Variants in ADGRL3 observed in about 807,000 individuals in gnomAD.
The protein encoded by ADGRL3 is calcium-independent alpha-latrotoxin receptor 3.
A neutral mutation model predicts 153.5 loss-of-function variants in ADGRL3; 62 were observed. That is an observed-to-expected ratio of 0.40 (90% CI 0.33 to 0.50). The LOEUF (loss-of-function observed/expected upper bound fraction) is 0.50, where lower values mean the gene tolerates loss of function less well. Among genes scored for constraint, ADGRL3 ranks in the 20% least tolerant of loss-of-function variants. The pLI is 0.47. For synonymous variants in ADGRL3, 710 were observed against 672.5 expected, an observed-to-expected ratio of 1.06 and a Z score of -0.86; for missense variants, 1,641 against 1,859.4, an observed-to-expected ratio of 0.88 and a Z score of 2.16.
At chr4:61,993,221 T>C (rs1368743561) in intron 19 of ADGRL3, among the ~76,000 whole-genome samples, 1 of 148,608 alleles carries the variant, frequency 6.7e-6, no homozygotes. Context: ...TCTGGGAAAA[T>C]GTCCATGTTT....
At chr4:61,628,556 T>A (rs2092970305) in intron 5 of ADGRL3, among the ~76,000 whole-genome samples, 1 of 152,218 alleles carries the variant, frequency 6.6e-6, no homozygotes, top group African/African-American at 2.4e-5. Flanking sequence ...TTTAATTTAA[T>A]TATAAATGAA....
intron 9 of ADGRL3, among the ~76,000 whole-genome samples, chr4:61,887,642 C>T (rs191307051): frequency 1.2e-4 from 18 of 152,168 alleles, no homozygotes; most frequent in Admixed American, 9.8e-4. Context: ...GTCAAGAGAT[C>T]GAGACCATCC....
intron 1 of ADGRL3, among the ~76,000 whole-genome samples, chr4:61,225,783 C>G (rs1747677896): frequency 6.6e-6 from 1 of 152,122 alleles, no homozygotes; most frequent in Non-Finnish European, 1.5e-5. Context: ...CTCTGGGACC[C>G]CCAGTGAACA....
chr4:61,527,997 A>G (rs759464358), intron 4 of ADGRL3, among the ~76,000 whole-genome samples: 87 of 152,066 alleles, frequency 5.7e-4, no homozygotes, highest in Admixed American at 5.0e-3. Flanking sequence ...ACCTCCAGTC[A>G]TCTTTTAGTT....
chr4:61,719,316 G>A (rs1214658605), intron 6 of ADGRL3, among the ~76,000 whole-genome samples: 1 of 152,026 alleles, frequency 6.6e-6, no homozygotes, highest in Non-Finnish European at 1.5e-5. Flanking sequence ...TGGAAAATAA[G>A]TAGAAACCAT....
At position 62,073,318 on chromosome 4, in the gene ADGRL3, A is replaced by G. The variant is rs2151944197; in HGVS notation, c.*2410A>G. ...AGTGAATTGGCATGAATATTTTTTA[A>G]GTCTACAGATTTTATGTTAGAGGAG... On this transcript the variant is annotated 3_prime_UTR_variant, in exon 27 of 27. Coordinates refer to ENST00000683033, the MANE Select transcript of ADGRL3 (RefSeq NM_001387552.1). 6.6e-6 allele frequency: 1 copy of G among 152,282 alleles called. No homozygotes were observed. The highest frequency in any genetic ancestry group is 3.4e-3 in the Middle Eastern group (1 of 294). The allele number at this position is 152,282 out of a possible 1,614,324, so 9.4% of individuals were successfully genotyped here.
At chr4:61,360,591 A>G (rs987653234) in intron 1 of ADGRL3, among the ~76,000 whole-genome samples, 2 of 152,188 alleles carry the variant, frequency 1.3e-5, no homozygotes, top group Non-Finnish European at 2.9e-5. Flanking sequence ...TAAAAATAAA[A>G]TAAAACTTCT....
intron 3 of ADGRL3, among the ~76,000 whole-genome samples, chr4:61,498,514 C>T (rs1231573652): frequency 6.6e-6 from 1 of 151,862 alleles, no homozygotes; most frequent in African/African-American, 2.4e-5. Flanking sequence ...CGTGCCACTG[C>T]ATTCCAGCCT....
intron 8 of ADGRL3, among the ~76,000 whole-genome samples, chr4:61,767,172 C>G (rs954350335): frequency 9.6e-4 from 146 of 151,470 alleles, no homozygotes; most frequent in East Asian, 3.1e-3. Context: ...AGAGGAGGAC[C>G]CAAAGGAGGC....
intron 9 of ADGRL3, among the ~76,000 whole-genome samples, chr4:61,873,214 C>T (rs2149406395): frequency 6.6e-6 from 1 of 152,264 alleles, no homozygotes; most frequent in East Asian, 1.9e-4. Context: ...AGCAACTGGA[C>T]ACTGGAGGCA....
intron 5 of ADGRL3, among the ~76,000 whole-genome samples, chr4:61,600,040 T>C (rs1244152341): frequency 1.3e-5 from 2 of 152,144 alleles, no homozygotes; most frequent in African/African-American, 4.8e-5. Flanking sequence ...CGAGGCGTGG[T>C]GGCTCACGCC....
At chr4:61,253,412 A>C (rs527628208) in intron 1 of ADGRL3, among the ~76,000 whole-genome samples, 10 of 152,306 alleles carry the variant, frequency 6.6e-5, no homozygotes, top group Admixed American at 6.5e-4. Context: ...TTGTTGACTC[A>C]GTGTGCTTAT....
chr4:61,286,108 T>A (rs2093930859), intron 1 of ADGRL3, among the ~76,000 whole-genome samples: 2 of 151,594 alleles, frequency 1.3e-5, no homozygotes, highest in South Asian at 4.1e-4. Flanking sequence ...AATATTTTGA[T>A]TTATTCTGCT....
chr4:61,287,235 T>C (rs2093972979), intron 1 of ADGRL3, among the ~76,000 whole-genome samples: 2 of 151,954 alleles, frequency 1.3e-5, no homozygotes, highest in Admixed American at 1.3e-4. Context: ...ACTTCTTGAA[T>C]ACTTTAGGAT....
intron 18 of ADGRL3, among the ~76,000 whole-genome samples, 195 bp from the exon 19 acceptor site, chr4:61,983,188 T>G (rs2150869137): frequency 6.6e-6 from 1 of 152,322 alleles, no homozygotes; most frequent in South Asian, 2.1e-4. Context: ...TTATTAATGT[T>G]AAAGGCAGTT....
intron 5 of ADGRL3, among the ~76,000 whole-genome samples, chr4:61,651,801 A>G (rs998152213): frequency 2.8e-5 from 4 of 141,102 alleles, no homozygotes; most frequent in African/African-American, 1.1e-4. Flanking sequence ...GTATTTTAGT[A>G]GAGACGGGGT....
Position 62,067,621 on chromosome 4 carries a change from A to G in ADGRL3, c.3815-545A>G, listed in dbSNP as rs115716139. Among the ~76,000 whole-genome samples the G allele has an allele frequency of 2.0e-3, 300 of 152,196 alleles. 1 individual carries two copies. Among genetic ancestry groups the G allele is most frequent in the African/African-American group, 6.8e-3 (284 of 41,554 alleles). On this transcript the variant is annotated intron_variant, in intron 25 of 26. Transcript: ENST00000683033. The stretch of plus-strand genomic sequence containing the variant: ...ATTCATATATGTATAATAGAGAAAT[A>G]ACTTTTGTGCAGGAAAAGAGAAGAT...
At chr4:61,459,095 T>C (rs983912293) in intron 2 of ADGRL3, among the ~76,000 whole-genome samples, 10 of 151,650 alleles carry the variant, frequency 6.6e-5, no homozygotes, top group Non-Finnish European at 1.3e-4. Context: ...TAGAGAGAAT[T>C]TTTTTAAATG....
At chr4:61,268,247 C>T (rs897381180) in intron 1 of ADGRL3, among the ~76,000 whole-genome samples, 3 of 151,582 alleles carry the variant, frequency 2.0e-5, no homozygotes, top group East Asian at 3.9e-4. Context: ...AAAATTTTTT[C>T]CTATTTTTAA....
Sources: gnomAD v4.1 joint callset for allele counts (sites outside exome capture counted in the v4.1 genomes callset) on GRCh38, gnomAD v4.1.1 for gene constraint, MANE v1.5 for transcripts, NCBI Gene and HGNC (gene_info 2026-07-23, HGNC 2026-07-21) for gene names.